HERC4: variants seen among roughly 807,000 people sequenced by gnomAD.
The protein encoded by HERC4 is probable E3 ubiquitin-protein ligase HERC4.
HERC4 carries 28 observed loss-of-function variants against 124.3 expected under a neutral mutation model. The observed-to-expected ratio is 0.23, with a 90% CI of 0.17 to 0.31. HERC4 has a LOEUF of 0.31. Among genes scored for constraint, HERC4 ranks in the 10% least tolerant of loss-of-function variants. The pLI is 1.00. For synonymous variants in HERC4, 407 were observed against 421.5 expected, an observed-to-expected ratio of 0.97 and a Z score of 0.42; for missense variants, 713 against 1,229.3, an observed-to-expected ratio of 0.58 and a Z score of 6.28.
intron 19 of HERC4, among the ~76,000 whole-genome samples, chr10:67,945,653 T>A (rs964493834): frequency 2.2e-4 from 34 of 151,832 alleles, no homozygotes; most frequent in Non-Finnish European, 2.1e-4. Flanking sequence ...CAAGACATAG[T>A]GTAGTAAAAT....
chr10:67,957,410 G>A (rs1193128735), intron 16 of HERC4, among the ~76,000 whole-genome samples: 1 of 151,690 alleles, frequency 6.6e-6, no homozygotes, highest in Non-Finnish European at 1.5e-5. Flanking sequence ...ATGTCATTAG[G>A]GTATCAAAAT....
At chr10:68,042,978 T>C (rs1368895930) in intron 4 of HERC4, among the ~76,000 whole-genome samples, 2 of 152,136 alleles carry the variant, frequency 1.3e-5, no homozygotes, top group African/African-American at 4.8e-5. Context: ...GTTGAGCACA[T>C]ACAAAAATAA....
chr10:67,956,588 G>A (rs1215817658), intron 17 of HERC4: 4 of 194,862 alleles, frequency 2.1e-5, no homozygotes, highest in Non-Finnish European at 4.1e-5. Flanking sequence ...ATCTTATCAA[G>A]TAAACTAGTA....
rs75935254 is a variant in HERC4 at position 67,960,814 on chromosome 10, C to T, written c.1927-3838G>A. The T allele has an allele frequency of 4.5e-3, 1,157 of 256,364 alleles. 14 individuals carry two copies. The highest frequency in any genetic ancestry group is 0.026 in the African/African-American group (1,102 of 42,812). The allele number at this position is 256,364 out of a possible 1,614,324, so 15.9% of individuals were successfully genotyped here. ...TTCACCATGAAGCTCCCTGGTTTTCCCAGTTCAAACTTGGGCATCTTCAGC... is the reference window on the plus strand; with the variant it reads ...TTCACCATGAAGCTCCCTGGTTTTCTCAGTTCAAACTTGGGCATCTTCAGC... On this transcript the variant is annotated intron_variant, in intron 16 of 24. Transcript: ENST00000373700.
chr10:68,070,196 C>G (rs2041502071), intron 3 of HERC4: 1 of 984,366 alleles, frequency 1.0e-6, no homozygotes, highest in Non-Finnish European at 1.2e-6. Flanking sequence ...ATCCAGTCCT[C>G]AAATTCACAA....
At chr10:67,938,447 GA>G (rs199559705) in intron 21 of HERC4, among the ~76,000 whole-genome samples, 19 of 125,378 alleles carry the variant, frequency 1.5e-4, no homozygotes, top group South Asian at 2.5e-4. Flanking sequence ...CAAAAAAAAA[GA>G]AAAAAAAAAA....
chr10:68,032,865 C>T lies in HERC4; in HGVS notation c.690G>A (p.Arg230=). 1 of 1,469,036 alleles carries T rather than the reference C, an allele frequency of 6.8e-7. No individual in the cohort carries two copies. Among genetic ancestry groups the T allele is most frequent in the Non-Finnish European group, 9.5e-7 (1 of 1,048,250 alleles). 91.0% of individuals were successfully genotyped at this position (1,469,036 alleles called of 1,614,324 possible). A position where few individuals can be genotyped will look rare whatever the true frequency, so the allele number is the denominator to read the frequency against. Reference sequence around the variant, plus strand: ...GTGACTTTAGTAAATTAGGAACATACCTATCTGAAAATTCCAACAAGAGAT... The same window carrying T: ...GTGACTTTAGTAAATTAGGAACATATCTATCTGAAAATTCCAACAAGAGAT... ...GQLGLNDEND[R]YVPNLLKSLR... Residue 230 remains arginine, a synonymous_variant, in exon 7 of 25, where the codon AGG becomes AGA. Transcript: ENST00000373700.
rs966258409 is a variant in HERC4, at chr10:67,998,848, C to T, written c.1070-6166G>A. On this transcript the variant is annotated intron_variant, in intron 9 of 24. Transcript: ENST00000373700. ...CCTCCTCCTGGGTTCAAGCGATTCT[C>T]CTGCCTCAGCCCCAACGAGCAGCTG... is the stretch of plus-strand genomic sequence containing the variant. Among the ~76,000 whole-genome samples, 15 of 152,218 alleles carry T rather than the reference C, an allele frequency of 9.9e-5. No individual in the cohort carries two copies. In the East Asian group the frequency reaches 2.1e-3, roughly 22 times the overall value.
At chr10:67,993,136 G>C (rs564878878) in intron 9 of HERC4, 1 of 152,630 alleles carries the variant, frequency 6.6e-6, no homozygotes, top group African/African-American at 2.4e-5. Context: ...TTTGATGTTA[G>C]GAGTTCGACG....
intron 3 of HERC4, among the ~76,000 whole-genome samples, chr10:68,046,837 G>A (rs1456456449): frequency 6.6e-6 from 1 of 152,092 alleles, no homozygotes; most frequent in Middle Eastern, 3.2e-3. Context: ...CAAGCGTGGT[G>A]GCACACATCT....
rs1481730428 is a variant in HERC4 at position 68,072,922 on chromosome 10, G to C, written c.187C>G (p.Leu63Val). ...GTVYTCGCND[L>V]GQLGHEKSRK... is the part of the protein sequence containing the mutation. Reference sequence around the variant, plus strand: ...GATTTTTCATGACCTAGCTGTCCTAGATCATTACATCCACATGTGTACACT... The same window carrying C: ...GATTTTTCATGACCTAGCTGTCCTACATCATTACATCCACATGTGTACACT... The change falls in exon 3 of 25, where the codon CTA (leucine) becomes GTA (valine). Residue 63 changes from leucine (L) to valine (V), a missense_variant. Physicochemically the swap from Leu to Val is conservative, Grantham distance 32. Coordinates refer to ENST00000373700, the MANE Select transcript of HERC4 (RefSeq NM_015601.4). The C allele has an allele frequency of 1.2e-6, 2 of 1,612,338 alleles. No individual in the cohort carries two copies. The highest frequency in any genetic ancestry group is 2.2e-5 in the East Asian group (1 of 44,778).
chr10:67,972,181 TC>T (rs1267358806), intron 15 of HERC4, among the ~76,000 whole-genome samples: 1 of 126,262 alleles, frequency 7.9e-6, no homozygotes, highest in Non-Finnish European at 1.6e-5. Flanking sequence ...ACCATTGCAC[TC>T]CAGTCTGGGT....
At chr10:68,030,536 C>T (rs1164270264) in intron 7 of HERC4, among the ~76,000 whole-genome samples, 2 of 152,212 alleles carry the variant, frequency 1.3e-5, no homozygotes, top group African/African-American at 4.8e-5. Context: ...ACACCTTGCT[C>T]TTTTCACTTA....
chr10:68,007,484 G>C (rs1451315511), intron 9 of HERC4, among the ~76,000 whole-genome samples: 2 of 152,062 alleles, frequency 1.3e-5, no homozygotes, highest in African/African-American at 4.8e-5. Flanking sequence ...GTTTGGTGAG[G>C]TCATGTTTTC....
intron 16 of HERC4, among the ~76,000 whole-genome samples, chr10:67,963,996 C>CAGAG (rs35415602): frequency 0.47 from 70,848 of 151,056 alleles, 20,559 homozygotes; most frequent in Non-Finnish European, 0.66. Context: ...TTACCTAGGT[C>CAGAG]AGAGATGAAG....
intron 15 of HERC4, among the ~76,000 whole-genome samples, chr10:67,974,352 A>T (rs560056777): frequency 1.4e-4 from 21 of 152,314 alleles, no homozygotes; most frequent in African/African-American, 4.6e-4. Flanking sequence ...ACCACCAAAG[A>T]AACAAATAAA....
intron 4 of HERC4, chr10:68,040,283 C>T (rs1444072997): frequency 3.1e-6 from 3 of 979,226 alleles, no homozygotes; most frequent in East Asian, 1.1e-4. Flanking sequence ...GCTACAGAGA[C>T]CAGAAGTATA....
At chr10:67,981,778 C>T (rs1395234658) in intron 15 of HERC4, among the ~76,000 whole-genome samples, 4 of 151,982 alleles carry the variant, frequency 2.6e-5, no homozygotes, top group Non-Finnish European at 4.4e-5. Flanking sequence ...GTCAACATGA[C>T]GAAACCCCAT....
At chr10:67,925,019 G>T in intron 24 of HERC4, 66 bp downstream of exon 24, 1 of 862,110 alleles carries the variant, frequency 1.2e-6, no homozygotes, top group Non-Finnish European at 1.9e-6. Context: ...TTAAAACAGG[G>T]CTTTGGAATA....
Sources: gnomAD v4.1 joint callset for allele counts (sites outside exome capture counted in the v4.1 genomes callset) on GRCh38, gnomAD v4.1.1 for gene constraint, MANE v1.5 for transcripts, NCBI Gene and HGNC (gene_info 2026-07-23, HGNC 2026-07-21) for gene names.